Variants in DIAPH2 observed in about 807,000 individuals in gnomAD.
DIAPH2 encodes diaphanous related formin 2.
In DIAPH2, 35 loss-of-function variants were observed where a neutral mutation model predicts 92.7. That is an observed-to-expected ratio of 0.38 (90% CI 0.29 to 0.50). DIAPH2 has a LOEUF of 0.50. DIAPH2 is among the 20% of genes least tolerant of loss of function. The pLI is 0.94. For missense variants in DIAPH2, 701 were observed against 819.5 expected (o/e 0.86, Z 1.77); for synonymous variants, 301 against 280.4 (o/e 1.07, Z -0.73).
rs377493297 is a variant in DIAPH2, at chrX:96,773,268, A to G, written c.447+15010A>G. Reference sequence around the variant, plus strand: ...CCCCTCCCGCCCTCCCCAAATTTGTATGTTGAAACCCTAACATATCAGAAT... The same window carrying G: ...CCCCTCCCGCCCTCCCCAAATTTGTGTGTTGAAACCCTAACATATCAGAAT... On this transcript the variant is annotated intron_variant, in intron 4 of 26. Coordinates refer to ENST00000324765, the MANE Select transcript of DIAPH2 (RefSeq NM_006729.5). Among the ~76,000 whole-genome samples the G allele has an allele frequency of 4.8e-4, 29 of 60,878 alleles. No individual in the cohort carries two copies. The East Asian group carries it at 0.013, about 28-fold the overall frequency. The allele number at this position is 60,878 out of a possible 115,157, so 52.9% of individuals were successfully genotyped here.
chrX:97,600,277 G>GA lies in DIAPH2; in HGVS notation c.*964dup, dbSNP rs2071584974. The GA allele has an allele frequency of 8.9e-6, 1 of 111,913 alleles. No homozygotes were observed. Among genetic ancestry groups the GA allele is most frequent in the Non-Finnish European group, 1.9e-5 (1 of 53,011 alleles). 9.2% of individuals were successfully genotyped at this position (111,913 alleles called of 1,213,427 possible). ...CTTGAAGGCAGGGAATAGACTTCTA[G>GA]AAAACCTGAGAGGAAAAAGAATTCT... On this transcript the variant is annotated 3_prime_UTR_variant, in exon 27 of 27. Transcript: ENST00000324765.
chrX:96,872,401 AGTT>A (rs932445477), intron 4 of DIAPH2, among the ~76,000 whole-genome samples: 1 of 110,828 alleles, frequency 9.0e-6, no homozygotes, highest in Non-Finnish European at 1.9e-5. Flanking sequence ...AATGTCCTTC[AGTT>A]CTATCCACGT....
chrX:97,121,000 C>G (rs920100106), intron 21 of DIAPH2, among the ~76,000 whole-genome samples: 10 of 112,111 alleles, frequency 8.9e-5, no homozygotes, highest in African/African-American at 3.2e-4. Flanking sequence ...ACAAAAGAAT[C>G]TACAAAAGAC....
At chrX:97,036,282 T>A (rs2066410210) in intron 17 of DIAPH2, among the ~76,000 whole-genome samples, 1 of 112,146 alleles carries the variant, frequency 8.9e-6, no homozygotes, top group Admixed American at 9.5e-5. Flanking sequence ...TATTAATATT[T>A]TATTATTTCG....
intron 4 of DIAPH2, among the ~76,000 whole-genome samples, chrX:96,785,546 C>T (rs1400985302): frequency 0.35 from 6 of 17 alleles, no homozygotes; most frequent in African/African-American, 0.4. Flanking sequence ...TGGCTCACTG[C>T]AATCTGCGCT....
intron 25 of DIAPH2, among the ~76,000 whole-genome samples, chrX:97,400,913 T>A (rs928699151): frequency 9.3e-5 from 10 of 107,780 alleles, no homozygotes; most frequent in Non-Finnish European, 1.3e-4. Flanking sequence ...TTTTTTTTTT[T>A]AGACAAGGGA....
At chrX:97,009,499 C>T (rs1281208533) in intron 17 of DIAPH2, among the ~76,000 whole-genome samples, 1 of 112,095 alleles carries the variant, frequency 8.9e-6, no homozygotes, top group Non-Finnish European at 1.9e-5. Context: ...AAACTAGTGT[C>T]TCCCTGTAGG....
chrX:97,160,521 G>T (rs190924097), intron 22 of DIAPH2, among the ~76,000 whole-genome samples: 13 of 111,574 alleles, frequency 1.2e-4, no homozygotes, highest in African/African-American at 3.2e-4. Context: ...TGGGAACAGT[G>T]TCAGATATAT....
chrX:97,561,898 A>G (rs2071296350), intron 26 of DIAPH2, among the ~76,000 whole-genome samples: 1 of 112,432 alleles, frequency 8.9e-6, no homozygotes, highest in Non-Finnish European at 1.9e-5. Context: ...CATTGGAAAC[A>G]TTTTTGTTTT....
intron 25 of DIAPH2, among the ~76,000 whole-genome samples, chrX:97,412,619 G>T (rs2069888962): frequency 9.0e-6 from 1 of 111,540 alleles, no homozygotes; most frequent in African/African-American, 3.3e-5. Context: ...CCAGGAGCTG[G>T]TTTTTTGAAA....
intron 4 of DIAPH2, among the ~76,000 whole-genome samples, chrX:96,861,632 T>C (rs2147724745): frequency 9.0e-6 from 1 of 111,717 alleles, no homozygotes; most frequent in East Asian, 2.8e-4. Flanking sequence ...CTCACCAGCT[T>C]ACAAAAATCC....
At position 97,378,018 on chromosome X, in the gene DIAPH2, C is replaced by G. The variant is rs767399451; in HGVS notation, c.3010-5891C>G. Among the ~76,000 whole-genome samples the G allele has an allele frequency of 1.1e-4, 12 of 110,142 alleles. No homozygotes were observed. The South Asian group carries it at 4.2e-3, about 39-fold the overall frequency. ...AAAAAAAAAAATCTAAAAGCACAGT[C>G]TGAATTAAAGCAAAGAAAGAATCAG... On this transcript the variant is annotated intron_variant, in intron 24 of 26. Transcript: ENST00000324765.
rs896765577 is a variant in DIAPH2 at position 97,178,922 on chromosome X, A to G, written c.2719+37128A>G. Among the ~76,000 whole-genome samples the G allele has an allele frequency of 2.7e-5, 3 of 111,213 alleles. No homozygotes were observed. The Admixed American group carries it at 2.9e-4, about 11-fold the overall frequency. ...GATTTCATTCCTTCCCTAGCATACA[A>G]CAATAAGCCACCATTTCTTGGAAGC... On this transcript the variant is annotated intron_variant, in intron 22 of 26. Coordinates refer to ENST00000324765, the MANE Select transcript of DIAPH2 (RefSeq NM_006729.5).
intron 26 of DIAPH2, among the ~76,000 whole-genome samples, chrX:97,506,044 A>G (rs752849847): frequency 9.0e-4 from 93 of 103,034 alleles, no homozygotes; most frequent in African/African-American, 3.2e-3. Flanking sequence ...TGGCATTTGT[A>G]TGTTACCCAA....
chrX:97,224,406 T>A (rs1023252652), intron 22 of DIAPH2, among the ~76,000 whole-genome samples: 8 of 112,202 alleles, frequency 7.1e-5, no homozygotes, highest in Admixed American at 6.6e-4. Flanking sequence ...CTAATGATCT[T>A]ACTTCTCTCT....
At position 96,947,361 on chromosome X, in the gene DIAPH2, A is replaced by G. The variant is rs147198108; in HGVS notation, c.1510-1574A>G. On this transcript the variant is annotated intron_variant, in intron 14 of 26. Transcript: ENST00000324765. The stretch of plus-strand genomic sequence containing the variant: ...GGGATGGGAGTACAGATTGAGATAA[A>G]TCTTAACACGGATAGTAGTAAAGGC... 7.0e-3 allele frequency among the ~76,000 whole-genome samples: 776 copies of G among 111,223 alleles called. 6 individuals are homozygous for G. Among genetic ancestry groups the G allele is most frequent in the African/African-American group, 0.024 (724 of 30,599 alleles).
At chrX:96,961,473 C>A (rs754759379) in intron 16 of DIAPH2, among the ~76,000 whole-genome samples, 2 of 100,152 alleles carry the variant, frequency 2.0e-5, no homozygotes, top group African/African-American at 7.1e-5. Flanking sequence ...AAAAAAAAAA[C>A]CTAACTTTTT....
chrX:96,886,931 G>A (rs895132712), intron 5 of DIAPH2, among the ~76,000 whole-genome samples: 1 of 109,458 alleles, frequency 9.1e-6, no homozygotes, highest in Non-Finnish European at 1.9e-5. Flanking sequence ...TGTTTGGGAG[G>A]CCAAACTGCT....
intron 19 of DIAPH2, among the ~76,000 whole-genome samples, chrX:97,088,411 T>C (rs921738435): frequency 3.6e-5 from 4 of 112,630 alleles, no homozygotes; most frequent in Non-Finnish European, 5.6e-5. Flanking sequence ...GATGTTTGCA[T>C]GTGATGCAGA....
Sources: gnomAD v4.1 joint callset for allele counts (sites outside exome capture counted in the v4.1 genomes callset) on GRCh38, gnomAD v4.1.1 for gene constraint, MANE v1.5 for transcripts, NCBI Gene and HGNC (gene_info 2026-07-23, HGNC 2026-07-21) for gene names.